Variants in ACACB observed in about 807,000 individuals in gnomAD.
The protein encoded by ACACB is acetyl-CoA carboxylase 2.
In ACACB, 209 loss-of-function variants were observed where a neutral mutation model predicts 278.8. That is an observed-to-expected ratio of 0.75 (90% CI 0.67 to 0.84). The LOEUF (loss-of-function observed/expected upper bound fraction) is 0.84, where lower values mean the gene tolerates loss of function less well. Ranked by LOEUF, ACACB falls within the 40% of genes least tolerant of loss-of-function variation. The pLI is 0.00. For synonymous variants in ACACB, 1,174 were observed against 1,285.6 expected (o/e 0.91, Z 1.86); for missense variants, 2,850 against 3,269.0 (o/e 0.87, Z 3.13).
At chr12:109,202,305 GTATTAT>G (rs937576327) in intron 19 of ACACB, among the ~76,000 whole-genome samples, 1 of 151,972 alleles carries the variant, frequency 6.6e-6, no homozygotes, top group African/African-American at 2.4e-5. Context: ...TTAATTGTTA[GTATTAT>G]TATTATTATT....
chr12:109,132,457 G>A (rs976773484), intron 1 of ACACB, among the ~76,000 whole-genome samples: 7 of 152,232 alleles, frequency 4.6e-5, no homozygotes, highest in African/African-American at 1.7e-4. Context: ...GAGCCATCAC[G>A]CCCGGTCCCA....
intron 9 of ACACB, among the ~76,000 whole-genome samples, chr12:109,178,844 G>T (rs1200804864): frequency 6.6e-6 from 1 of 152,166 alleles, no homozygotes. Context: ...TCGAGCAGTT[G>T]TTCATTGTTC....
At chr12:109,144,040 AG>A (rs1021959382) in intron 2 of ACACB, among the ~76,000 whole-genome samples, 22 of 152,068 alleles carry the variant, frequency 1.4e-4, no homozygotes, top group African/African-American at 5.3e-4. Flanking sequence ...AGGCCAGGTA[AG>A]GTGGCTCACA....
chr12:109,204,572 GC>G (rs1276105501), intron 19 of ACACB, among the ~76,000 whole-genome samples: 2 of 151,796 alleles, frequency 1.3e-5, no homozygotes, highest in East Asian at 3.9e-4. Context: ...ACCATGTCCA[GC>G]CTCAATACTA....
chr12:109,244,403 TAAC>T (rs1361115945), intron 37 of ACACB, among the ~76,000 whole-genome samples: 1 of 152,114 alleles, frequency 6.6e-6, no homozygotes, highest in Non-Finnish European at 1.5e-5. Flanking sequence ...ATAAGAATAA[TAAC>T]AGTACCTACC....
At chr12:109,141,455 A>G (rs962837157) in intron 2 of ACACB, among the ~76,000 whole-genome samples, 1 of 152,174 alleles carries the variant, frequency 6.6e-6, no homozygotes, top group Admixed American at 6.5e-5. Flanking sequence ...CCAGGTAGAA[A>G]ATTTGGGAAA....
rs376848216 is a variant in ACACB, at chr12:109,209,253, C to A, written c.3149C>A (p.Ala1050Glu). The change falls in exon 21 of 53, where the codon GCA becomes GAA. Residue 1050 changes from alanine to glutamate, a missense_variant. By Grantham distance (107) the Ala-to-Glu change is moderately radical. Transcript: ENST00000338432. ...CTGCAGGAGATCATGACCAGCGTGG[C>A]AGGCCGCATCCCCGCCCCTGTGGAG... is the stretch of plus-strand genomic sequence containing the variant. ...LELQEIMTSV[A>E]GRIPAPVEKS... 4.3e-6 allele frequency: 7 copies of A among 1,611,514 alleles called. No homozygotes were observed. The African/African-American group carries it at 9.3e-5, about 22-fold the overall frequency.
intron 1 of ACACB, among the ~76,000 whole-genome samples, chr12:109,116,962 C>T (rs904097150): frequency 6.6e-6 from 1 of 151,172 alleles, no homozygotes; most frequent in African/African-American, 2.4e-5. Context: ...AGTTCCACAA[C>T]GTTTTATAAA....
In ACACB at chr12:109,267,418, G is replaced by T. The variant is rs2047542898; in HGVS notation, c.*1056G>T. 6.6e-6 allele frequency: 1 copy of T among 152,336 alleles called. No individual in the cohort carries two copies. The highest frequency in any genetic ancestry group is 2.1e-4 in the South Asian group (1 of 4,840). The allele number at this position is 152,336 out of a possible 1,614,324, so 9.4% of individuals were successfully genotyped here. A position where few individuals can be genotyped will look rare whatever the true frequency, so the allele number is the denominator to read the frequency against. ...ACCTCTTCTCTCCAAGGAAAATGAG[G>T]ACTGCCCCTTCCCCCTGCAGGATTG... On this transcript the variant is annotated 3_prime_UTR_variant, in exon 53 of 53. Coordinates refer to ENST00000338432, the MANE Select transcript of ACACB (RefSeq NM_001093.4).
At chr12:109,234,731 A>G (rs1448563571) in intron 31 of ACACB, among the ~76,000 whole-genome samples, 1 of 151,618 alleles carries the variant, frequency 6.6e-6, no homozygotes, top group Non-Finnish European at 1.5e-5. Flanking sequence ...GTGCTCACTC[A>G]TAAGTGGGAG....
rs993715198 is a variant in ACACB at position 109,210,547 on chromosome 12, GTA to G, written c.3249+1201_3249+1202del. On this transcript the variant is annotated intron_variant, in intron 21 of 52. Coordinates refer to ENST00000338432, the MANE Select transcript of ACACB (RefSeq NM_001093.4). The stretch of plus-strand genomic sequence containing the variant: ...TGTATATGTGTATATATACGTGCAT[GTA>G]TATATACATATATACATGTATGTGT... 5.4e-5 allele frequency among the ~76,000 whole-genome samples: 8 copies of G among 147,542 alleles called. No individual in the cohort carries two copies. In the East Asian group the frequency reaches 1.6e-3, roughly 29 times the overall value.
chr12:109,229,460 G>A (rs2046407767), intron 28 of ACACB, among the ~76,000 whole-genome samples: 1 of 152,138 alleles, frequency 6.6e-6, no homozygotes, highest in African/African-American at 2.4e-5. Context: ...TGTCCTGTCT[G>A]TGTCCACTGT....
Position 109,227,274 on chromosome 12 carries a change from G to A in ACACB, c.3883-97G>A, listed in dbSNP as rs573308314. On this transcript the variant is annotated intron_variant, in intron 27 of 52. Coordinates refer to ENST00000338432, the MANE Select transcript of ACACB (RefSeq NM_001093.4). ...CTGCTTACAGATAGATATTTTAGAG[G>A]TCATTTCTGGTACCTGTTCCCCGTG... The A allele has an allele frequency of 9.7e-4, 1,026 of 1,062,048 alleles. 2 individuals are homozygous for A. The highest frequency in any genetic ancestry group is 2.8e-3 in the Middle Eastern group (13 of 4,726). 65.8% of individuals were successfully genotyped at this position (1,062,048 alleles called of 1,614,324 possible).
At chr12:109,209,868 CAT>C (rs1305719093) in intron 21 of ACACB, among the ~76,000 whole-genome samples, 3 of 134,764 alleles carry the variant, frequency 2.2e-5, no homozygotes, top group Non-Finnish European at 4.8e-5. Context: ...TATATACACA[CAT>C]ACACACACGT....
chr12:109,193,371 C>T (rs2044965519), intron 15 of ACACB, among the ~76,000 whole-genome samples: 1 of 152,060 alleles, frequency 6.6e-6, no homozygotes, highest in Non-Finnish European at 1.5e-5. Context: ...CTGCATGCCA[C>T]CACGCCCGGC....
chr12:109,235,585 T>A (rs765411797), intron 32 of ACACB, 21 bp from the exon 33 acceptor site: 4 of 1,609,246 alleles, frequency 2.5e-6, no homozygotes, highest in African/African-American at 1.3e-5. Flanking sequence ...AATTGTCTTG[T>A]GTGTGGATTT....
At chr12:109,139,112 T>C (rs968953544) in intron 1 of ACACB, among the ~76,000 whole-genome samples, 1 of 152,202 alleles carries the variant, frequency 6.6e-6, no homozygotes, top group Non-Finnish European at 1.5e-5. Flanking sequence ...GCACACTTCA[T>C]ATACTTGGAA....
intron 34 of ACACB, among the ~76,000 whole-genome samples, chr12:109,238,023 A>G (rs1437163768): frequency 6.6e-6 from 1 of 151,524 alleles, no homozygotes; most frequent in Non-Finnish European, 1.5e-5. Flanking sequence ...AAAAAAAAAA[A>G]AAAAGAAAAA....
rs559843082 is a variant in ACACB, at chr12:109,220,036, T to A, written c.3565-2471T>A. On this transcript the variant is annotated intron_variant, in intron 24 of 52. Coordinates refer to ENST00000338432, the MANE Select transcript of ACACB (RefSeq NM_001093.4). ...CAGTCAGCTTGCCATTCAAAGGCAG[T>A]GGGTCTGTGGGTTATTTTGCTGTTC... is the stretch of plus-strand genomic sequence containing the variant. Among the ~76,000 whole-genome samples the A allele has an allele frequency of 1.4e-4, 22 of 152,326 alleles. 2 individuals are homozygous for A. In the South Asian group the frequency reaches 4.6e-3, roughly 32 times the overall value.
Sources: gnomAD v4.1 joint callset for allele counts (sites outside exome capture counted in the v4.1 genomes callset) on GRCh38, gnomAD v4.1.1 for gene constraint, MANE v1.5 for transcripts, NCBI Gene and HGNC (gene_info 2026-07-23, HGNC 2026-07-21) for gene names.